Variants in DDX5 observed in about 807,000 individuals in gnomAD.
The protein encoded by DDX5 is probable ATP-dependent RNA helicase DDX5.
A neutral mutation model predicts 68.6 loss-of-function variants in DDX5; 6 were observed. That is an observed-to-expected ratio of 0.09 (90% confidence interval 0.05 to 0.17). The LOEUF (loss-of-function observed/expected upper bound fraction) is 0.17. Among genes scored for constraint, DDX5 ranks in the 10% least tolerant of loss-of-function variants. DDX5 has a pLI of 1.00. For synonymous variants in DDX5, 350 were observed against 247.0 expected, an observed-to-expected ratio of 1.42 and a Z score of -3.91; for missense variants, 499 against 756.1, an observed-to-expected ratio of 0.66 and a Z score of 3.99.
chr17:64,505,943 C>A, intron 1 of DDX5, 133 bp downstream of exon 1: 1 of 1,535,666 alleles, frequency 6.5e-7, no homozygotes, highest in Non-Finnish European at 8.7e-7. Context: ...ATGGCGCAAG[C>A]CTTCGGGAAA....
Position 64,504,249 on chromosome 17 carries a change from G to A in DDX5, c.280C>T (p.Leu94=). 1.2e-6 allele frequency: 2 copies of A among 1,614,134 alleles called. No homozygotes were observed. Among genetic ancestry groups the A allele is most frequent in the South Asian group, 2.2e-5 (2 of 91,082 alleles). ...VRGHNCPKPV[L]NFYEANFPAN... ...GGGAAATTGGCTTCATAAAAATTTA[G>A]AACTGGCTTCGGGCAGTTGTGACCT... is the stretch of plus-strand genomic sequence containing the variant. The change falls in exon 3 of 13, where the codon CTA becomes TTA. Residue 94 remains leucine (L), a synonymous_variant. Transcript: ENST00000225792.
chr17:64,505,503 C>T (rs981137440), intron 1 of DDX5: 1 of 591,950 alleles, frequency 1.7e-6, no homozygotes, highest in South Asian at 2.0e-5. Flanking sequence ...CGGCGCTTCC[C>T]CCTTTGTCTC....
Position 64,502,243 on chromosome 17 carries a change from GTGT to G in DDX5, c.1095-23_1095-21del. 6.2e-7 allele frequency: 1 copy of G among 1,613,354 alleles called. No individual in the cohort carries two copies. The highest frequency in any genetic ancestry group is 8.5e-7 in the Non-Finnish European group (1 of 1,179,746). ...GGCCACCTAAGTTAAAAGACAAGTT[GTGT>G]TATTAAACTCACATTGAAAACCTCA... On this transcript the variant is annotated intron_variant, in intron 9 of 12. Coordinates refer to ENST00000225792, the MANE Select transcript of DDX5 (RefSeq NM_004396.5).
At chr17:64,504,418 A>G in intron 2 of DDX5, 100 bp from the exon 3 acceptor site, 1 of 1,114,020 alleles carries the variant, frequency 9.0e-7, no homozygotes, top group Non-Finnish European at 1.3e-6. Flanking sequence ...TAACTAGTTT[A>G]AAGTAGCCTT....
At position 64,502,513 on chromosome 17, in the gene DDX5, C is replaced by G; in HGVS notation, c.1020G>C (p.Lys340Asn). ...IRLMEEIMSEKENKTIVFVET... is the reference protein window; with the variant it reads ...IRLMEEIMSENENKTIVFVET... ...CCACAAAAACAATGGTTTTATTCTC[C>G]TTCTCACTCATGATCTCTTCCATTA... The change falls in exon 9 of 13, where the codon AAG (lysine) becomes AAC (asparagine). Residue 340 changes from lysine (K) to asparagine (N), a missense_variant. Lys to Asn is a moderately conservative substitution (Grantham distance 94, BLOSUM62 0). Coordinates refer to ENST00000225792, the MANE Select transcript of DDX5 (RefSeq NM_004396.5). 1 of 1,613,552 alleles carries G rather than the reference C, an allele frequency of 6.2e-7. No homozygotes were observed. The highest frequency in any genetic ancestry group is 1.1e-5 in the South Asian group (1 of 91,074).
chr17:64,505,556 A>G lies in DDX5; in HGVS notation c.44+520T>C, dbSNP rs1291367404. On this transcript the variant is annotated intron_variant, in intron 1 of 12. Transcript: ENST00000225792. ...ACATTTTCTCGACGCTGCCATTTTG[A>G]GCTCCTCCGCCGGGCGGGGTAACAA... 3 of 643,898 alleles carry G rather than the reference A, an allele frequency of 4.7e-6. No homozygotes were observed. The South Asian group carries it at 5.3e-5, about 11-fold the overall frequency. The allele number at this position is 643,898 out of a possible 1,614,324, so 39.9% of individuals were successfully genotyped here.
chr17:64,505,941 A>T (rs1279167803), intron 1 of DDX5, 135 bp downstream of exon 1: 36 of 1,535,398 alleles, frequency 2.3e-5, no homozygotes, highest in Non-Finnish European at 3.1e-5. Flanking sequence ...AAATGGCGCA[A>T]GCCTTCGGGA....
chr17:64,504,164 AAG>A lies in DDX5; in HGVS notation c.308-50_308-49del, dbSNP rs782225432. The A allele has an allele frequency of 3.3e-5, 53 of 1,612,932 alleles. No homozygotes were observed. In the South Asian group the frequency reaches 5.2e-4, roughly 16 times the overall value. On this transcript the variant is annotated intron_variant, in intron 3 of 12. Transcript: ENST00000225792. ...AGTAAAAATTAGTGATGCCAAGAAA[AAG>A]AGGGGGTAGGTGGAAACAAAAACAC...
At chr17:64,505,428 C>T in intron 1 of DDX5, 1 of 543,500 alleles carries the variant, frequency 1.8e-6, no homozygotes, top group Non-Finnish European at 3.3e-6. Context: ...AAAGGAGGAG[C>T]CGGCGACTAC....
chr17:64,500,248 G>T lies in DDX5; in HGVS notation c.1520C>A (p.Thr507Asn), dbSNP rs781931667. The change falls in exon 13 of 13, where the codon ACC (threonine) becomes AAC (asparagine). Residue 507 changes from threonine to asparagine, a missense_variant. This residue lies in a region of DDX5 where 171 missense variants were observed against 174.8 expected (regional missense o/e 0.98). Transcript: ENST00000225792. The stretch of plus-strand genomic sequence containing the variant: ...GTCATAATTTTCCCTGTCTCTAAAG[G>T]TATTAAATCCACCCCTTTTGCCCGC... ...YSAGKRGGFN[T>N]FRDRENYDRG... 1 of 1,614,140 alleles carries T rather than the reference G, an allele frequency of 6.2e-7. No homozygotes were observed. Among genetic ancestry groups the T allele is most frequent in the Admixed American group, 1.7e-5 (1 of 60,014 alleles).
Position 64,499,413 on chromosome 17 carries a change from G to GT in DDX5, c.*509dup, listed in dbSNP as rs1173134846. Among the ~76,000 whole-genome samples, 1 of 151,790 alleles carries GT rather than the reference G, an allele frequency of 6.6e-6. No homozygotes were observed. Among genetic ancestry groups the GT allele is most frequent in the Non-Finnish European group, 1.5e-5 (1 of 67,982 alleles). On this transcript the variant is annotated 3_prime_UTR_variant, in exon 13 of 13. Coordinates refer to ENST00000225792, the MANE Select transcript of DDX5 (RefSeq NM_004396.5). Reference sequence around the variant, plus strand: ...TTAGCCTGTAACTAAAAATTCACCTGTATCAATTCATTCTGACTCCTGCAA... The same window carrying GT: ...TTAGCCTGTAACTAAAAATTCACCTGTTATCAATTCATTCTGACTCCTGCAA...
chr17:64,505,856 C>A (rs566114785), intron 1 of DDX5: 10 of 1,535,968 alleles, frequency 6.5e-6, no homozygotes, highest in Non-Finnish European at 8.7e-6. Flanking sequence ...GACAGCTCCC[C>A]AATCCCCACA....
intron 12 of DDX5, 76 bp from the exon 13 acceptor site, chr17:64,500,402 A>G (rs1555670842): frequency 1.3e-6 from 2 of 1,547,892 alleles, no homozygotes; most frequent in East Asian, 2.3e-5. Flanking sequence ...AAACAGATCT[A>G]TTCATGGTAG....
upstream of DDX5, chr17:64,506,743 GA>G (rs1326959103): frequency 6.6e-6 from 3 of 457,446 alleles, no homozygotes; most frequent in Non-Finnish European, 1.2e-5. Flanking sequence ...GATACAAAAC[GA>G]AATAGCTCAC....
Position 64,500,286 on chromosome 17 carries a change from C to T in DDX5, c.1482G>A (p.Arg494=). Residue 494 remains arginine (R), a synonymous_variant, in exon 13 of 13, where the codon CGG becomes CGA. Coordinates refer to ENST00000225792, the MANE Select transcript of DDX5 (RefSeq NM_004396.5). ...RGRGGMKDDR[R]DRYSAGKRGG... ...CCCTTTTGCCCGCAGAGTATCTGTC[C>T]CGACGGTCATCCTTCATGCCTCCTC... The T allele has an allele frequency of 6.2e-7, 1 of 1,613,468 alleles. No homozygotes were observed. Among genetic ancestry groups the T allele is most frequent in the South Asian group, 1.1e-5 (1 of 91,032 alleles).
chr17:64,506,077 C>G lies in DDX5; in HGVS notation c.43G>C (p.Gly15Arg). Residue 15 changes from glycine to arginine, a missense_variant and splice_region_variant, in exon 1 of 13, where the codon GGG (glycine) becomes CGG (arginine). Gly to Arg is a moderately radical substitution (Grantham distance 125). Around this residue, in one of 5 missense-constraint regions of DDX5, gnomAD observed 140 missense variants for 135.7 expected, o/e 1.03. Transcript: ENST00000225792. ...TGACAGCTCGGCTCCCAAACTCACC[C>G]TCGGTCCCGGCCGCGGTCTCGGTCA... Reference protein sequence around the residue: ...SSDRDRGRDRGFGAPRFGGSR... With the variant: ...SSDRDRGRDRRFGAPRFGGSR... 6.2e-7 allele frequency: 1 copy of G among 1,605,562 alleles called. No homozygotes were observed. The highest frequency in any genetic ancestry group is 8.5e-7 in the Non-Finnish European group (1 of 1,176,588).
intron 9 of DDX5, 62 bp from the exon 10 acceptor site, chr17:64,502,285 G>A (rs2038315819): frequency 6.4e-7 from 1 of 1,571,120 alleles, no homozygotes. Flanking sequence ...TCCAGTGCTT[G>A]ACCACTTTTG....
intron 1 of DDX5, 102 bp downstream of exon 1, chr17:64,505,974 G>T: frequency 6.5e-7 from 1 of 1,540,832 alleles, no homozygotes; most frequent in Non-Finnish European, 8.7e-7. Flanking sequence ...AGATAGCCCG[G>T]AAAGGCCAAG....
At chr17:64,506,743 G>A (rs2038549213), upstream of DDX5, 1 of 457,564 alleles carries the variant, frequency 2.2e-6, no homozygotes. Context: ...GATACAAAAC[G>A]AAATAGCTCA....
Sources: allele counts gnomAD v4.1 joint callset (sites outside exome capture counted in the v4.1 genomes callset), GRCh38; gene constraint gnomAD v4.1.1; regional missense constraint gnomAD v4.1.1; transcripts MANE v1.5; gene names NCBI Gene and HGNC (gene_info 2026-07-23, HGNC 2026-07-21).